Variants in YTHDF2 observed in about 807,000 individuals in gnomAD.
YTHDF2 encodes the protein YTH N6-methyladenosine RNA binding protein F2.
A neutral mutation model predicts 50.4 loss-of-function variants in YTHDF2; 2 were observed. The observed-to-expected ratio is 0.04, with a 90% CI of 0.02 to 0.12. The LOEUF (loss-of-function observed/expected upper bound fraction) is 0.12, where lower values mean the gene tolerates loss of function less well. Ranked by LOEUF, YTHDF2 falls within the 10% of genes least tolerant of loss-of-function variation. The pLI is 1.00. For synonymous variants in YTHDF2, 217 were observed against 255.6 expected, an observed-to-expected ratio of 0.85 and a Z score of 1.44; for missense variants, 483 against 722.6, an observed-to-expected ratio of 0.67 and a Z score of 3.80.
chr1:28,737,384 G>C lies in YTHDF2; in HGVS notation c.27+237G>C, dbSNP rs570708518. 8 of 628,662 alleles carry C rather than the reference G, an allele frequency of 1.3e-5. No individual in the cohort carries two copies. The African/African-American group carries it at 1.6e-4, about 12-fold the overall frequency. The allele number at this position is 628,662 out of a possible 1,614,324, so 38.9% of individuals were successfully genotyped here. On this transcript the variant is annotated intron_variant, in intron 1 of 4. Coordinates refer to ENST00000373812, the MANE Select transcript of YTHDF2 (RefSeq NM_016258.3). ...CCGCGCCGCGTTCCCTTCTCTCGGC[G>C]GGCCTCGTTTTCCTTCCTTGTTTCC...
chr1:28,736,847 G>C (rs1296542754), upstream of YTHDF2: 3 of 343,752 alleles, frequency 8.7e-6, no homozygotes, highest in Non-Finnish European at 1.6e-5. Context: ...CGCCGCGCGC[G>C]CCGCCCGCCT....
chr1:28,751,642 G>T (rs2087954431), intron 4 of YTHDF2, among the ~76,000 whole-genome samples: 1 of 152,158 alleles, frequency 6.6e-6, no homozygotes, highest in Non-Finnish European at 1.5e-5. Context: ...AGATAACATT[G>T]AATTTGTATC....
intron 4 of YTHDF2, among the ~76,000 whole-genome samples, chr1:28,750,307 G>A (rs1014606727): frequency 5.9e-5 from 9 of 152,058 alleles, no homozygotes; most frequent in African/African-American, 2.2e-4. Context: ...TTTAAGACTA[G>A]ATTCTTCATG....
At chr1:28,765,153 C>T (rs2088198029) in intron 4 of YTHDF2, among the ~76,000 whole-genome samples, 1 of 151,990 alleles carries the variant, frequency 6.6e-6, no homozygotes, top group African/African-American at 2.4e-5. Context: ...AGGTGTGTGC[C>T]AGCATGCTGG....
rs1008803397 is a variant in YTHDF2, at chr1:28,748,649, T to A, written c.1716+4663T>A. Among the ~76,000 whole-genome samples the A allele has an allele frequency of 3.3e-5, 5 of 152,330 alleles. No individual in the cohort carries two copies. In the East Asian group the frequency reaches 9.6e-4, roughly 29 times the overall value. On this transcript the variant is annotated intron_variant, in intron 4 of 4. Coordinates refer to ENST00000373812, the MANE Select transcript of YTHDF2 (RefSeq NM_016258.3). ...GTCAGGCTTGAAACTTAGAGCAAAT[T>A]TTAGTGACATGTTTGATAGATGTGA...
chr1:28,739,171 G>C (rs2087740406), intron 3 of YTHDF2: 1 of 152,264 alleles, frequency 6.6e-6, no homozygotes, highest in South Asian at 2.1e-4. Flanking sequence ...AAGCCACTGC[G>C]CTCCAGCCTT....
intron 4 of YTHDF2, among the ~76,000 whole-genome samples, chr1:28,752,889 A>T (rs115833099): frequency 0.023 from 3,423 of 151,654 alleles, 51 homozygotes; most frequent in Non-Finnish European, 0.036. Context: ...CAAAAAATTT[A>T]AAAAAAATTA....
intron 4 of YTHDF2, among the ~76,000 whole-genome samples, chr1:28,747,950 C>T (rs542219120): frequency 1.1e-4 from 17 of 151,024 alleles, no homozygotes; most frequent in Non-Finnish European, 2.2e-4. Flanking sequence ...ATGGTGAAAC[C>T]CCGTCTCTAT....
intron 4 of YTHDF2, 82 bp from the exon 5 acceptor site, chr1:28,768,847 G>C: frequency 2.0e-6 from 2 of 1,017,040 alleles, no homozygotes. Context: ...AATTTCTGTT[G>C]AGTTATTCTG....
At position 28,742,718 on chromosome 1, in the gene YTHDF2, A is replaced by G. The variant is rs368431005; in HGVS notation, c.448A>G (p.Ser150Gly). ...ACAGTCTACTCAGAGCTCTGGATATAGTAGCAATTATGCTTATGCACCTAG... is the reference window on the plus strand; with the variant it reads ...ACAGTCTACTCAGAGCTCTGGATATGGTAGCAATTATGCTTATGCACCTAG... ...QGQSTQSSGYSSNYAYAPSSL... is the reference protein window; with the variant it reads ...QGQSTQSSGYGSNYAYAPSSL... Residue 150 changes from serine (S) to glycine (G), a missense_variant, in exon 4 of 5, where the codon AGT becomes GGT. Physicochemically the swap from Ser to Gly is moderately conservative, Grantham distance 56. Transcript: ENST00000373812. The G allele has an allele frequency of 6.2e-7, 1 of 1,614,172 alleles. No individual in the cohort carries two copies. Among genetic ancestry groups the G allele is most frequent in the Non-Finnish European group, 8.5e-7 (1 of 1,180,032 alleles).
chr1:28,737,732 G>A (rs1156971749), intron 2 of YTHDF2, 50 bp downstream of exon 2: 2 of 1,604,264 alleles, frequency 1.2e-6, no homozygotes, highest in Admixed American at 1.7e-5. Context: ...GACGCGGGGC[G>A]GTGGGGGCGG....
chr1:28,737,141 G>C lies in YTHDF2; in HGVS notation c.21G>C (p.Leu7Phe). ...GAGCCATGTCGGCCAGCAGCCTCTT[G>C]GAGCAGGTACAGGCCCGGCCCGCAT... is the stretch of plus-strand genomic sequence containing the variant. MSASSL[L>F]EQRPKGQGNK... The change falls in exon 1 of 5, where the codon TTG (leucine) becomes TTC (phenylalanine). Residue 7 changes from leucine (L) to phenylalanine (F), a missense_variant. Physicochemically the swap from Leu to Phe is conservative, Grantham distance 22. This residue lies in a region of YTHDF2 where 385 missense variants were observed against 475.8 expected (regional missense o/e 0.81). Transcript: ENST00000373812. 1.2e-6 allele frequency: 2 copies of C among 1,600,186 alleles called. No individual in the cohort carries two copies. Among genetic ancestry groups the C allele is most frequent in the Non-Finnish European group, 1.7e-6 (2 of 1,175,338 alleles).
intron 2 of YTHDF2, 119 bp downstream of exon 2, chr1:28,737,801 C>T: frequency 1.7e-6 from 2 of 1,201,082 alleles, no homozygotes; most frequent in Non-Finnish European, 2.4e-6. Context: ...TTCGCAGGTG[C>T]CGCACACTTA....
intron 3 of YTHDF2, chr1:28,738,999 T>C (rs1186365016): frequency 6.6e-6 from 1 of 152,224 alleles, no homozygotes; most frequent in African/African-American, 2.4e-5. Context: ...AGTGCAGAAT[T>C]TAGGGATTCT....
chr1:28,763,038 C>T (rs1033423157), intron 4 of YTHDF2, among the ~76,000 whole-genome samples: 1 of 151,840 alleles, frequency 6.6e-6, no homozygotes, highest in South Asian at 2.1e-4. Flanking sequence ...TGTTGGCCAG[C>T]CCTGTCTTGA....
chr1:28,741,196 C>CCAT (rs1178605733), intron 3 of YTHDF2, among the ~76,000 whole-genome samples: 1 of 151,738 alleles, frequency 6.6e-6, no homozygotes, highest in Non-Finnish European at 1.5e-5. Context: ...CGGGCTTTCA[C>CCAT]CATGTTGGCC....
At chr1:28,763,631 A>G (rs1021789205) in intron 4 of YTHDF2, among the ~76,000 whole-genome samples, 2 of 151,460 alleles carry the variant, frequency 1.3e-5, no homozygotes, top group Non-Finnish European at 2.9e-5. Context: ...AATTTTTTGT[A>G]TTTTTAGCAG....
chr1:28,750,552 G>T (rs1036651785), intron 4 of YTHDF2, among the ~76,000 whole-genome samples: 1 of 152,166 alleles, frequency 6.6e-6, no homozygotes, highest in African/African-American at 2.4e-5. Context: ...TCAGGTTTGT[G>T]AAGATGAATT....
intron 4 of YTHDF2, among the ~76,000 whole-genome samples, chr1:28,768,184 C>T (rs1211883625): frequency 4.0e-5 from 6 of 151,732 alleles, no homozygotes; most frequent in Non-Finnish European, 5.9e-5. Context: ...GGCTACAGAG[C>T]GAGACTCTGT....
Sources: allele counts gnomAD v4.1 joint callset (sites outside exome capture counted in the v4.1 genomes callset), GRCh38; gene constraint gnomAD v4.1.1; regional missense constraint gnomAD v4.1.1; transcripts MANE v1.5; gene names NCBI Gene and HGNC (gene_info 2026-07-23, HGNC 2026-07-21).